Variants in PRR16 observed in about 807,000 individuals in gnomAD.
The protein encoded by PRR16 is protein Largen.
PRR16 carries 6 observed loss-of-function variants against 18.2 expected under a neutral mutation model. The ratio of observed to expected loss-of-function variants is 0.33; its 90% CI spans 0.18 to 0.65. The LOEUF (loss-of-function observed/expected upper bound fraction) is 0.65, where lower values mean the gene tolerates loss of function less well. Among genes scored for constraint, PRR16 ranks in the 30% least tolerant of loss-of-function variants. The pLI is 0.74. For synonymous variants in PRR16, 151 were observed against 147.8 expected (o/e 1.02, Z -0.16); for missense variants, 412 against 376.6 (o/e 1.09, Z -0.78).
chr5:120,469,613 A>G (rs1164212199), intron 1 of PRR16, among the ~76,000 whole-genome samples: 2 of 152,118 alleles, frequency 1.3e-5, no homozygotes, highest in African/African-American at 4.8e-5. Context: ...TATAGGTATG[A>G]GCCACCATGT....
At chr5:120,752,779 A>G in the PRR16 span, among the ~76,000 whole-genome samples, 1 of 151,940 alleles carries the variant, frequency 6.6e-6, no homozygotes, top group African/African-American at 2.4e-5. Flanking sequence ...GAAAATACTC[A>G]TTACGAGATA....
chr5:120,512,809 G>A (rs1020598392), intron 1 of PRR16, among the ~76,000 whole-genome samples: 2 of 152,102 alleles, frequency 1.3e-5, no homozygotes, highest in African/African-American at 4.8e-5. Context: ...CTTTACTGGG[G>A]AGGGAAAGCA....
At chr5:120,489,796 G>T (rs1200298739) in intron 1 of PRR16, among the ~76,000 whole-genome samples, 13 of 152,136 alleles carry the variant, frequency 8.5e-5, no homozygotes, top group Non-Finnish European at 2.9e-5. Flanking sequence ...GGTACCGGTT[G>T]TTCCTTTCCA....
the PRR16 span, among the ~76,000 whole-genome samples, chr5:120,761,589 CT>C: frequency 3.3e-5 from 5 of 151,840 alleles, no homozygotes; most frequent in Non-Finnish European, 7.4e-5. Context: ...TTAGATTTAT[CT>C]TTTTTTATCA....
chr5:120,673,790 A>G (rs1756696175), intron 1 of PRR16, among the ~76,000 whole-genome samples: 1 of 151,906 alleles, frequency 6.6e-6, no homozygotes, highest in African/African-American at 2.4e-5. Context: ...AATAAAAAAT[A>G]AAAAACAAAA....
chr5:120,785,572 G>GTTT, the PRR16 span, among the ~76,000 whole-genome samples: 14 of 119,942 alleles, frequency 1.2e-4, no homozygotes, highest in African/African-American at 2.3e-4. Flanking sequence ...TTTTGTTGTT[G>GTTT]TTGTTTTTTT....
chr5:120,558,733 A>T, intron 1 of PRR16, among the ~76,000 whole-genome samples: 1 of 151,942 alleles, frequency 6.6e-6, no homozygotes, highest in East Asian at 1.9e-4. Flanking sequence ...ACTGTTCTCC[A>T]TGGTGGTCAT....
chr5:120,748,934 T>A, the PRR16 span, among the ~76,000 whole-genome samples: 1 of 152,246 alleles, frequency 6.6e-6, no homozygotes, highest in Admixed American at 6.5e-5. Flanking sequence ...TTGTTAGCAA[T>A]TTCTTACATT....
chr5:120,581,316 T>A (rs113123269), intron 1 of PRR16, among the ~76,000 whole-genome samples: 8,475 of 152,268 alleles, frequency 0.056, 309 homozygotes, highest in South Asian at 0.081. Flanking sequence ...CATAGATGTG[T>A]TTAGTATTTT....
chr5:120,614,673 G>C (rs1305831751), intron 1 of PRR16, among the ~76,000 whole-genome samples: 1 of 152,128 alleles, frequency 6.6e-6, no homozygotes, highest in African/African-American at 2.4e-5. Flanking sequence ...ATGTTCTATT[G>C]CTGAATAAGT....
downstream of PRR16, chr5:120,687,401 A>G (rs1056925427): frequency 6.6e-6 from 1 of 152,212 alleles, no homozygotes; most frequent in Non-Finnish European, 1.5e-5. Context: ...CAGAGTTTGG[A>G]GAAGTTACAG....
intron 1 of PRR16, among the ~76,000 whole-genome samples, chr5:120,653,959 A>G (rs1210080444): frequency 2.6e-5 from 4 of 152,074 alleles, no homozygotes; most frequent in African/African-American, 9.7e-5. Context: ...CCCTTAACAA[A>G]TTACTGATTC....
At chr5:120,636,520 C>G (rs1253624955) in intron 1 of PRR16, among the ~76,000 whole-genome samples, 1 of 152,050 alleles carries the variant, frequency 6.6e-6, no homozygotes, top group Non-Finnish European at 1.5e-5. Context: ...CAAACAAAAA[C>G]ATCAAGTGCG....
intron 1 of PRR16, among the ~76,000 whole-genome samples, chr5:120,489,796 G>A (rs1200298739): frequency 1.3e-5 from 2 of 152,136 alleles, no homozygotes; most frequent in African/African-American, 2.4e-5. Context: ...GGTACCGGTT[G>A]TTCCTTTCCA....
At position 120,464,474 on chromosome 5, in the gene PRR16, T is replaced by C. The variant is rs1435404186; in HGVS notation, c.-13T>C. On this transcript the variant is annotated 5_prime_UTR_variant, in exon 1 of 2. Transcript: ENST00000407149. ...GCCCGCCTGTCCTGACCTGCCTCGC[T>C]TGCCCCCAAAGAATGTCAGCCAAGT... 3 of 1,581,394 alleles carry C rather than the reference T, an allele frequency of 1.9e-6. No homozygotes were observed. The highest frequency in any genetic ancestry group is 2.7e-5 in the African/African-American group (2 of 74,632).
the PRR16 span, among the ~76,000 whole-genome samples, chr5:120,784,185 C>T: frequency 7.9e-5 from 12 of 152,236 alleles, no homozygotes; most frequent in East Asian, 1.9e-4. Context: ...GCAGATATCT[C>T]TTAATATACT....
chr5:120,590,130 T>C (rs1753583820), intron 1 of PRR16, among the ~76,000 whole-genome samples: 1 of 152,128 alleles, frequency 6.6e-6, no homozygotes, highest in South Asian at 2.1e-4. Context: ...TCTCAACAGA[T>C]TATAAACAAA....
the PRR16 span, among the ~76,000 whole-genome samples, chr5:120,761,021 A>T: frequency 6.6e-3 from 1,002 of 152,202 alleles, 16 homozygotes; most frequent in African/African-American, 0.023. Context: ...TTTTCTAAAG[A>T]AATTAATGAT....
the PRR16 span, among the ~76,000 whole-genome samples, chr5:120,752,126 AGTTT>A: frequency 6.6e-6 from 1 of 152,022 alleles, no homozygotes; most frequent in Admixed American, 6.6e-5. Flanking sequence ...ATCATTTAGG[AGTTT>A]GTTACTATAG....
Sources: allele counts gnomAD v4.1 joint callset (sites outside exome capture counted in the v4.1 genomes callset), GRCh38; gene constraint gnomAD v4.1.1; transcripts MANE v1.5; gene names NCBI Gene and HGNC (gene_info 2026-07-23, HGNC 2026-07-21).